Variants in ZNF385D observed in about 807,000 individuals in gnomAD.
ZNF385D encodes the protein zinc finger protein 385D.
Under a neutral mutation model 35.8 loss-of-function variants are expected in ZNF385D, and 15 were observed. The ratio of observed to expected loss-of-function variants is 0.42; its 90% CI spans 0.28 to 0.64. The LOEUF (loss-of-function observed/expected upper bound fraction) is 0.64, where lower values mean the gene tolerates loss of function less well. ZNF385D is among the 30% of genes least tolerant of loss of function. The pLI is 0.23. For missense variants in ZNF385D, 474 were observed against 494.6 expected (o/e 0.96, Z 0.39); for synonymous variants, 212 against 186.8 (o/e 1.13, Z -1.10).
intron 2 of ZNF385D, among the ~76,000 whole-genome samples, chr3:22,189,457 A>G (rs903116275): frequency 2.0e-5 from 3 of 152,178 alleles, no homozygotes; most frequent in Non-Finnish European, 4.4e-5. Flanking sequence ...AATTTCACAG[A>G]CTTATGACAA....
intron 2 of ZNF385D, among the ~76,000 whole-genome samples, chr3:21,663,795 G>C (rs1209010532): frequency 2.7e-5 from 4 of 149,330 alleles, no homozygotes; most frequent in South Asian, 2.1e-4. Context: ...TAGCTGTACT[G>C]ACTCATTGAC....
intron 3 of ZNF385D, among the ~76,000 whole-genome samples, chr3:22,109,619 T>G (rs778978623): frequency 4.2e-4 from 64 of 152,170 alleles, no homozygotes; most frequent in Non-Finnish European, 7.1e-4. Context: ...TATTATTGTG[T>G]GGGAGTCTAA....
chr3:21,918,211 G>A (rs200264520), intron 3 of ZNF385D, among the ~76,000 whole-genome samples: 7 of 140,728 alleles, frequency 5.0e-5, no homozygotes, highest in East Asian at 4.2e-4. Flanking sequence ...GAAAATCTGC[G>A]TGCTATATGG....
At chr3:22,134,905 A>G (rs1704015120) in intron 3 of ZNF385D, among the ~76,000 whole-genome samples, 1 of 152,174 alleles carries the variant, frequency 6.6e-6, no homozygotes, top group African/African-American at 2.4e-5. Flanking sequence ...GTCACCTCTC[A>G]TTAGGTCCAA....
chr3:22,195,986 C>A (rs1696386499), intron 2 of ZNF385D, among the ~76,000 whole-genome samples: 1 of 151,808 alleles, frequency 6.6e-6, no homozygotes, highest in Non-Finnish European at 1.5e-5. Context: ...AACACATGGG[C>A]ACATAGAGGA....
chr3:21,546,346 C>T (rs562950902), intron 3 of ZNF385D, among the ~76,000 whole-genome samples: 20 of 152,090 alleles, frequency 1.3e-4, no homozygotes, highest in African/African-American at 4.6e-4. Flanking sequence ...AAATAGTGTG[C>T]CCATCACCCA....
intron 3 of ZNF385D, among the ~76,000 whole-genome samples, chr3:22,083,795 T>A (rs538359835): frequency 1.3e-5 from 2 of 151,938 alleles, no homozygotes; most frequent in African/African-American, 4.8e-5. Context: ...TTCACCAGGG[T>A]TGAAATGAAG....
intron 4 of ZNF385D, among the ~76,000 whole-genome samples, chr3:21,494,653 G>T (rs1575045460): frequency 6.6e-6 from 1 of 152,002 alleles, no homozygotes; most frequent in Admixed American, 6.6e-5. Flanking sequence ...GTAAATTTAA[G>T]AACATTTACC....
At chr3:21,910,563 A>G (rs1355181829) in intron 3 of ZNF385D, among the ~76,000 whole-genome samples, 1 of 151,984 alleles carries the variant, frequency 6.6e-6, no homozygotes, top group African/African-American at 2.4e-5. Flanking sequence ...CTAATGAGCC[A>G]AAAGCCTTTG....
intron 3 of ZNF385D, among the ~76,000 whole-genome samples, chr3:21,842,553 G>A (rs1172681889): frequency 6.6e-6 from 1 of 152,018 alleles, no homozygotes; most frequent in Non-Finnish European, 1.5e-5. Flanking sequence ...TCATGGCAAT[G>A]CTTTTAAATA....
At chr3:22,339,909 C>T (rs1020900157) in intron 2 of ZNF385D, among the ~76,000 whole-genome samples, 8 of 152,198 alleles carry the variant, frequency 5.3e-5, no homozygotes, top group Non-Finnish European at 1.2e-4. Context: ...GTTTCTCCAC[C>T]TAACCCTCTG....
In ZNF385D at chr3:21,416,736, G is replaced by A. The variant is rs985920718; in HGVS notation, c.*4478C>T. On this transcript the variant is annotated 3_prime_UTR_variant, in exon 8 of 8. Coordinates refer to ENST00000281523, the MANE Select transcript of ZNF385D (RefSeq NM_024697.3). ...ACAAGAGCGCATAACTGATATACTTGTCTGTGGAAGAGATGGTCTTAATAA... is the reference window on the plus strand; with the variant it reads ...ACAAGAGCGCATAACTGATATACTTATCTGTGGAAGAGATGGTCTTAATAA... 1 of 152,132 alleles carries A rather than the reference G, an allele frequency of 6.6e-6. No homozygotes were observed. Among genetic ancestry groups the A allele is most frequent in the Non-Finnish European group, 1.5e-5 (1 of 68,006 alleles). The allele number at this position is 152,132 out of a possible 1,614,324, so 9.4% of individuals were successfully genotyped here.
intron 1 of ZNF385D, among the ~76,000 whole-genome samples, chr3:21,747,722 C>G (rs1174853391): frequency 6.6e-6 from 1 of 152,198 alleles, no homozygotes; most frequent in Non-Finnish European, 1.5e-5. Flanking sequence ...GCCCTTCATA[C>G]CAGCACAGTC....
intron 3 of ZNF385D, among the ~76,000 whole-genome samples, chr3:21,851,718 C>T (rs191427601): frequency 1.3e-5 from 2 of 152,034 alleles, no homozygotes; most frequent in Admixed American, 1.3e-4. Context: ...CAATTCAAAA[C>T]CCTCCTACAC....
intron 3 of ZNF385D, among the ~76,000 whole-genome samples, chr3:21,548,039 T>C (rs1237903973): frequency 6.6e-6 from 1 of 152,146 alleles, no homozygotes; most frequent in Non-Finnish European, 1.5e-5. Flanking sequence ...TGGCCCCTCC[T>C]CTTCCCGTGT....
At chr3:22,191,811 G>A (rs144877851) in intron 2 of ZNF385D, among the ~76,000 whole-genome samples, 36 of 151,986 alleles carry the variant, frequency 2.4e-4, no homozygotes, top group Non-Finnish European at 3.8e-4. Context: ...AATAACCTAG[G>A]TCTTATTAAA....
intron 3 of ZNF385D, among the ~76,000 whole-genome samples, chr3:21,808,166 T>C (rs777020315): frequency 3.0e-4 from 45 of 152,298 alleles, no homozygotes; most frequent in South Asian, 1.0e-3. Flanking sequence ...TCCTTTAGTA[T>C]AGGATAAGAA....
At chr3:22,091,387 G>C (rs1003064869) in intron 3 of ZNF385D, among the ~76,000 whole-genome samples, 2 of 152,174 alleles carry the variant, frequency 1.3e-5, no homozygotes, top group Admixed American at 1.3e-4. Context: ...TTTCAACAGG[G>C]ATAACAGGCT....
At chr3:22,176,173 T>G (rs554120616) in intron 2 of ZNF385D, among the ~76,000 whole-genome samples, 1 of 152,104 alleles carries the variant, frequency 6.6e-6, no homozygotes, top group East Asian at 1.9e-4. Context: ...CATACACATA[T>G]TCTAACACAA....
Sources: gnomAD v4.1 joint callset for allele counts (sites outside exome capture counted in the v4.1 genomes callset) on GRCh38, gnomAD v4.1.1 for gene constraint, MANE v1.5 for transcripts, NCBI Gene and HGNC (gene_info 2026-07-23, HGNC 2026-07-21) for gene names.